The following PLXNA4 variants were observed in gnomAD, a reference collection of about 807,000 sequenced individuals.
PLXNA4 encodes plexin-A4.
Under a neutral mutation model 191.8 loss-of-function variants are expected in PLXNA4, and 44 were observed. The ratio of observed to expected loss-of-function variants is 0.23; its 90% CI spans 0.18 to 0.29. The LOEUF is 0.29. Ranked by LOEUF, PLXNA4 falls within the 10% of genes least tolerant of loss-of-function variation. The pLI, the probability that PLXNA4 is intolerant of heterozygous loss-of-function variation, is 1.00. For synonymous variants in PLXNA4, 1,082 were observed against 1,009.5 expected (o/e 1.07, Z -1.36); for missense variants, 1,800 against 2,488.8 (o/e 0.72, Z 5.89).
At chr7:132,561,570 TTCCC>T (rs1563172795) in intron 1 of PLXNA4, among the ~76,000 whole-genome samples, 44 of 64,972 alleles carry the variant, frequency 6.8e-4, no homozygotes, top group African/African-American at 2.8e-3. Context: ...TCCTCCTCCT[TTCCC>T]CTCCTCCTCT....
chr7:132,544,469 C>T (rs1410476926), intron 1 of PLXNA4, among the ~76,000 whole-genome samples: 2 of 152,136 alleles, frequency 1.3e-5, no homozygotes, highest in African/African-American at 2.4e-5. Context: ...TAACAGAGGT[C>T]CTGGAGCATT....
At chr7:132,444,264 CT>C (rs1429277662) in intron 3 of PLXNA4, among the ~76,000 whole-genome samples, 2 of 152,214 alleles carry the variant, frequency 1.3e-5, no homozygotes, top group Non-Finnish European at 1.5e-5. Flanking sequence ...TCTTCTCTTT[CT>C]TTTTTTGAGA....
chr7:132,549,125 C>T (rs1386971190), intron 1 of PLXNA4, among the ~76,000 whole-genome samples: 2 of 152,222 alleles, frequency 1.3e-5, no homozygotes, highest in East Asian at 3.8e-4. Flanking sequence ...TGTAAGTATA[C>T]TCCATCAAGC....
At chr7:132,401,444 G>A (rs954104672) in intron 3 of PLXNA4, among the ~76,000 whole-genome samples, 8 of 152,202 alleles carry the variant, frequency 5.3e-5, no homozygotes, top group African/African-American at 1.7e-4. Flanking sequence ...TGCTCATGAA[G>A]GTTGGGAAGG....
At chr7:132,397,626 A>G (rs1180734881) in intron 3 of PLXNA4, among the ~76,000 whole-genome samples, 1 of 152,220 alleles carries the variant, frequency 6.6e-6, no homozygotes, top group East Asian at 1.9e-4. Context: ...ATTCTGGCAA[A>G]GGATGAAGCA....
At chr7:132,294,770 C>G (rs1363546047) in intron 4 of PLXNA4, among the ~76,000 whole-genome samples, 1 of 152,122 alleles carries the variant, frequency 6.6e-6, no homozygotes, top group Non-Finnish European at 1.5e-5. Flanking sequence ...TAGAGAGAGG[C>G]CCTAATCCAA....
intron 3 of PLXNA4, among the ~76,000 whole-genome samples, chr7:132,320,368 G>A (rs1268067882): frequency 6.6e-6 from 1 of 152,082 alleles, no homozygotes; most frequent in Non-Finnish European, 1.5e-5. Context: ...GTCTTCACAT[G>A]GCCCGGGTCT....
chr7:132,195,668 C>T (rs1429206077), intron 13 of PLXNA4, among the ~76,000 whole-genome samples: 1 of 152,192 alleles, frequency 6.6e-6, no homozygotes, highest in African/African-American at 2.4e-5. Flanking sequence ...TTGCAAATTA[C>T]AGGTGAGGTT....
At chr7:132,625,605 C>A (rs570175428) in intron 2 of PLXNA4, among the ~76,000 whole-genome samples, 1 of 152,244 alleles carries the variant, frequency 6.6e-6, no homozygotes, top group African/African-American at 2.4e-5. Context: ...GGCCTGAGAT[C>A]CCCTGGCTTT....
chr7:132,344,211 C>T (rs1293733017), intron 3 of PLXNA4, among the ~76,000 whole-genome samples: 1 of 152,154 alleles, frequency 6.6e-6, no homozygotes, highest in Non-Finnish European at 1.5e-5. Context: ...GCCATGACAG[C>T]CCTATGTCAA....
intron 9 of PLXNA4, among the ~76,000 whole-genome samples, chr7:132,212,965 A>C (rs1797850765): frequency 6.6e-6 from 1 of 152,236 alleles, no homozygotes; most frequent in African/African-American, 2.4e-5. Flanking sequence ...CATGTTCACA[A>C]CAGCATCATT....
intron 3 of PLXNA4, among the ~76,000 whole-genome samples, chr7:132,389,457 A>G (rs917236060): frequency 6.6e-6 from 1 of 152,200 alleles, no homozygotes; most frequent in Non-Finnish European, 1.5e-5. Flanking sequence ...AGGTGTAAGG[A>G]AGGGATCTAG....
At position 132,507,635 on chromosome 7, in the gene PLXNA4, C is replaced by A. The variant is rs763735261; in HGVS notation, c.1059G>T (p.Ser353=). The part of the protein sequence containing the change: ...QKRKMKSLDE[S]ALCIFILKQI... ...GCTTCAAGATGAAGATGCACAGGGC[C>A]GACTCATCCAGGGATTTCATTTTCC... is the stretch of plus-strand genomic sequence containing the variant. The change falls in exon 2 of 32, where the codon TCG becomes TCT. Residue 353 remains serine (S), a synonymous_variant. Coordinates refer to ENST00000321063, the MANE Select transcript of PLXNA4 (RefSeq NM_020911.2). 6.2e-7 allele frequency: 1 copy of A among 1,614,158 alleles called. No individual in the cohort carries two copies. The highest frequency in any genetic ancestry group is 1.1e-5 in the South Asian group (1 of 91,078).
At chr7:132,298,342 C>A in intron 3 of PLXNA4, 120 bp from the exon 4 acceptor site, 1 of 1,338,098 alleles carries the variant, frequency 7.5e-7, no homozygotes, top group South Asian at 1.5e-5. Flanking sequence ...CTCCACAGTG[C>A]TCACAGGCTA....
At chr7:132,278,991 G>T (rs1483667376) in intron 4 of PLXNA4, among the ~76,000 whole-genome samples, 1 of 152,214 alleles carries the variant, frequency 6.6e-6, no homozygotes, top group African/African-American at 2.4e-5. Flanking sequence ...GTACCACATT[G>T]TGTCTCTTGC....
At chr7:132,398,435 A>G (rs10271334) in intron 3 of PLXNA4, among the ~76,000 whole-genome samples, 30,161 of 152,152 alleles carry the variant, frequency 0.2, 4,237 homozygotes, top group African/African-American at 0.38. Flanking sequence ...CATCCAAGGC[A>G]GCCAAGCCAG....
rs1798590665 is a variant in PLXNA4, at chr7:132,508,779, A to G, written c.-86T>C. On this transcript the variant is annotated splice_region_variant and 5_prime_UTR_variant, in exon 2 of 32. Coordinates refer to ENST00000321063, the MANE Select transcript of PLXNA4 (RefSeq NM_020911.2). The surrounding 1 kb of genome is among the most constrained non-coding windows in gnomAD (Gnocchi z 4.4). ...AGGACTCAGCAATGCAGTCTCCCCT[A>G]CTGGAGAAAGGGAAGACAATGAGCT... 2.8e-6 allele frequency: 4 copies of G among 1,436,812 alleles called. No homozygotes were observed. The highest frequency in any genetic ancestry group is 3.0e-5 in the South Asian group (2 of 67,216). 89.0% of individuals were successfully genotyped at this position (1,436,812 alleles called of 1,614,324 possible).
At chr7:132,304,370 G>A in intron 3 of PLXNA4, among the ~76,000 whole-genome samples, 1 of 152,178 alleles carries the variant, frequency 6.6e-6, no homozygotes, top group East Asian at 1.9e-4. Context: ...AGCCACAAAT[G>A]TGGGTCACAT....
intron 2 of PLXNA4, among the ~76,000 whole-genome samples, chr7:132,607,110 T>C (rs933532282): frequency 2.0e-5 from 3 of 152,206 alleles, no homozygotes; most frequent in Non-Finnish European, 4.4e-5. Flanking sequence ...AACAGAAGCC[T>C]TTGAAAAAGT....
Sources: gnomAD v4.1 joint callset for allele counts (sites outside exome capture counted in the v4.1 genomes callset) on GRCh38, gnomAD v4.1.1 for gene constraint, Gnocchi (gnomAD v3.1) non-coding constraint, MANE v1.5 for transcripts, NCBI Gene and HGNC (gene_info 2026-07-23, HGNC 2026-07-21) for gene names.